Variants in FUT9 observed in about 807,000 individuals in gnomAD.
The protein encoded by FUT9 is 4-galactosyl-N-acetylglucosaminide 3-alpha-L-fucosyltransferase 9.
In FUT9, 15 loss-of-function variants were observed where a neutral mutation model predicts 29.7. The ratio of observed to expected loss-of-function variants is 0.51; its 90% confidence interval spans 0.34 to 0.78. The LOEUF (loss-of-function observed/expected upper bound fraction) is 0.78, where lower values mean the gene tolerates loss of function less well. Ranked by LOEUF, FUT9 falls within the 30% of genes least tolerant of loss-of-function variation. The pLI, the probability that FUT9 is intolerant of heterozygous loss-of-function variation, is 0.01. For synonymous variants in FUT9, 169 were observed against 153.7 expected (o/e 1.10, Z -0.74); for missense variants, 319 against 425.4 (o/e 0.75, Z 2.20).
rs1773858834 is a variant in FUT9, at chr6:96,207,705, T to G, written c.*3470T>G. The G allele has an allele frequency of 6.0e-6, 1 of 167,012 alleles. No homozygotes were observed. The highest frequency in any genetic ancestry group is 2.4e-5 in the African/African-American group (1 of 41,452). The allele number at this position is 167,012 out of a possible 1,614,324, so 10.3% of individuals were successfully genotyped here. On this transcript the variant is annotated 3_prime_UTR_variant, in exon 3 of 3. Transcript: ENST00000302103. Reference sequence around the variant, plus strand: ...CCAATAATTATGCCTAGAATTAAATTGTGGACACAAAAAAGGGAACAGACC... The same window carrying G: ...CCAATAATTATGCCTAGAATTAAATGGTGGACACAAAAAAGGGAACAGACC...
chr6:96,073,857 G>T (rs1771102874), intron 1 of FUT9, among the ~76,000 whole-genome samples: 1 of 152,018 alleles, frequency 6.6e-6, no homozygotes, highest in Non-Finnish European at 1.5e-5. Flanking sequence ...TGTCATCTGT[G>T]GAATGAAGAA....
At chr6:96,100,272 C>T (rs1376267432) in intron 1 of FUT9, among the ~76,000 whole-genome samples, 1 of 69,896 alleles carries the variant, frequency 1.4e-5, no homozygotes, top group African/African-American at 4.1e-5. Context: ...CACACACACA[C>T]ACACATATAA....
At chr6:96,079,916 A>G (rs1771207423) in intron 1 of FUT9, among the ~76,000 whole-genome samples, 1 of 152,100 alleles carries the variant, frequency 6.6e-6, no homozygotes, top group Non-Finnish European at 1.5e-5. Flanking sequence ...ATAAAAATGG[A>G]TATAGCTTTA....
At chr6:96,101,819 A>AT (rs202104817) in intron 1 of FUT9, among the ~76,000 whole-genome samples, 28,141 of 136,922 alleles carry the variant, frequency 0.21, 2,971 homozygotes, top group Non-Finnish European at 0.24. Context: ...ACGCCCAGCT[A>AT]TTTTTTTTTT....
intron 1 of FUT9, among the ~76,000 whole-genome samples, chr6:96,080,144 T>C (rs2127950456): frequency 6.6e-6 from 1 of 152,068 alleles, no homozygotes; most frequent in South Asian, 2.1e-4. Context: ...ATCAAACCAG[T>C]ATTCAACATT....
At chr6:96,174,728 C>G (rs1275441977) in intron 2 of FUT9, among the ~76,000 whole-genome samples, 1 of 151,962 alleles carries the variant, frequency 6.6e-6, no homozygotes, top group Non-Finnish European at 1.5e-5. Flanking sequence ...GAAAGTGTGA[C>G]TAGGTTAGAA....
At chr6:96,097,456 C>T (rs530750407) in intron 1 of FUT9, among the ~76,000 whole-genome samples, 2 of 152,030 alleles carry the variant, frequency 1.3e-5, no homozygotes, top group East Asian at 3.9e-4. Context: ...CTGAAAAGCA[C>T]TGCAAAGAAG....
intron 1 of FUT9, among the ~76,000 whole-genome samples, chr6:96,110,902 G>T (rs1771794144): frequency 6.6e-6 from 1 of 151,500 alleles, no homozygotes; most frequent in African/African-American, 2.4e-5. Flanking sequence ...CCCTTAAGAG[G>T]TCCTCCTGCC....
At chr6:96,142,597 C>A (rs536049722) in intron 2 of FUT9, among the ~76,000 whole-genome samples, 15 of 152,314 alleles carry the variant, frequency 9.8e-5, no homozygotes, top group Admixed American at 3.3e-4. Context: ...GCTGTCTCTT[C>A]ACTCTCTTTT....
chr6:96,068,128 G>T (rs1272883285), intron 1 of FUT9, among the ~76,000 whole-genome samples: 1 of 152,084 alleles, frequency 6.6e-6, no homozygotes, highest in Non-Finnish European at 1.5e-5. Context: ...TAGTCATCCA[G>T]ATAGAAGTGA....
rs983452555 is a variant in FUT9 at position 96,209,523 on chromosome 6, A to G, written c.*5288A>G. ...GAAATATTTTAGAGTTTTCTGTACT[A>G]TTCAAACTCTTATTACAAAAATCTA... is the stretch of plus-strand genomic sequence containing the variant. On this transcript the variant is annotated 3_prime_UTR_variant, in exon 3 of 3. Coordinates refer to ENST00000302103, the MANE Select transcript of FUT9 (RefSeq NM_006581.4). 1.2e-4 allele frequency: 20 copies of G among 166,876 alleles called. No homozygotes were observed. The highest frequency in any genetic ancestry group is 4.8e-4 in the African/African-American group (20 of 41,408). 10.3% of individuals were successfully genotyped at this position (166,876 alleles called of 1,614,324 possible). A position where few individuals can be genotyped will look rare whatever the true frequency, so the allele number is the denominator to read the frequency against.
chr6:96,017,034 G>T (rs577877424), intron 1 of FUT9, among the ~76,000 whole-genome samples: 1 of 152,314 alleles, frequency 6.6e-6, no homozygotes, highest in South Asian at 2.1e-4. Context: ...TGTTCCTGCG[G>T]AATTGGTCTT....
At chr6:96,178,216 T>C (rs1442565266) in intron 2 of FUT9, among the ~76,000 whole-genome samples, 1 of 152,134 alleles carries the variant, frequency 6.6e-6, no homozygotes, top group Non-Finnish European at 1.5e-5. Context: ...CAGGCACGAT[T>C]TTTCCCTTTT....
At chr6:96,091,838 T>TATTA (rs1771416576) in intron 1 of FUT9, among the ~76,000 whole-genome samples, 1 of 152,120 alleles carries the variant, frequency 6.6e-6, no homozygotes, top group South Asian at 2.1e-4. Context: ...GTCCAGATGG[T>TATTA]ATTACAAGCA....
Position 96,205,701 on chromosome 6 carries a change from T to C in FUT9, c.*1466T>C, listed in dbSNP as rs1304336748. The C allele has an allele frequency of 6.0e-6, 1 of 166,320 alleles. No individual in the cohort carries two copies. The highest frequency in any genetic ancestry group is 2.4e-5 in the African/African-American group (1 of 41,460). 10.3% of individuals were successfully genotyped at this position (166,320 alleles called of 1,614,324 possible). A position where few individuals can be genotyped will look rare whatever the true frequency, so the allele number is the denominator to read the frequency against. ...TTCCTCAAAATGATCTTTAGTGCCT[T>C]TATTCCTTTCAGGCCAATAATCCAC... On this transcript the variant is annotated 3_prime_UTR_variant, in exon 3 of 3. Transcript: ENST00000302103.
intron 1 of FUT9, among the ~76,000 whole-genome samples, chr6:96,085,228 A>T (rs940957236): frequency 6.6e-6 from 1 of 152,228 alleles, no homozygotes; most frequent in African/African-American, 2.4e-5. Context: ...ACAACAAAAT[A>T]GCATACTGTG....
At chr6:96,165,416 G>A (rs1772997575) in intron 2 of FUT9, among the ~76,000 whole-genome samples, 1 of 142,380 alleles carries the variant, frequency 7.0e-6, no homozygotes, top group African/African-American at 2.5e-5. Context: ...GGGTGACAGA[G>A]CGAGACTCCA....
chr6:96,016,389 G>C (rs1359910387), intron 1 of FUT9, among the ~76,000 whole-genome samples, 177 bp downstream of exon 1: 1 of 152,118 alleles, frequency 6.6e-6, no homozygotes, highest in South Asian at 2.1e-4. Context: ...AACTCCACCT[G>C]CTGGCAACCT....
In FUT9 at chr6:96,209,415, A is replaced by G. The variant is rs572493664; in HGVS notation, c.*5180A>G. 1.8e-5 allele frequency: 3 copies of G among 166,986 alleles called. No individual in the cohort carries two copies. The highest frequency in any genetic ancestry group is 4.4e-5 in the Non-Finnish European group (3 of 68,018). 10.3% of individuals were successfully genotyped at this position (166,986 alleles called of 1,614,324 possible). A position where few individuals can be genotyped will look rare whatever the true frequency, so the allele number is the denominator to read the frequency against. On this transcript the variant is annotated 3_prime_UTR_variant, in exon 3 of 3. Transcript: ENST00000302103. ...CCTCCTGTATTTCCTCCCTCCCCTT[A>G]GTTGTCTATGACTTTTGAACTCACT...
Sources: gnomAD v4.1 joint callset for allele counts (sites outside exome capture counted in the v4.1 genomes callset) on GRCh38, gnomAD v4.1.1 for gene constraint, MANE v1.5 for transcripts, NCBI Gene and HGNC (gene_info 2026-07-23, HGNC 2026-07-21) for gene names.